APC: variants seen among roughly 807,000 people sequenced by gnomAD.
APC encodes APC regulator of Wnt signaling pathway.
A neutral mutation model predicts 247.0 loss-of-function variants in APC; 72 were observed. That is an observed-to-expected ratio of 0.29 (90% CI 0.24 to 0.35). APC has a LOEUF of 0.35. Ranked by LOEUF, APC falls within the 10% of genes least tolerant of loss-of-function variation. The pLI is 1.00. For missense variants in APC, 3,400 were observed against 3,360.7 expected, an observed-to-expected ratio of 1.01 and a Z score of -0.29; for synonymous variants, 1,254 against 1,162.5, an observed-to-expected ratio of 1.08 and a Z score of -1.60.
chr5:112,844,056 A>G lies in APC; in HGVS notation c.8462A>G (p.Asp2821Gly), dbSNP rs780049836. 3.1e-5 allele frequency: 50 copies of G among 1,604,312 alleles called. No individual in the cohort carries two copies. The African/African-American group carries it at 5.5e-4, about 18-fold the overall frequency. ...NNTKKRDSKT[D>G]STESSGTQSP... ...ACAAAGAAGCGAGATTCCAAAACTG[A>G]CAGCACAGAATCCAGTGGAACCCAA... The change falls in exon 16 of 16, where the codon GAC (aspartate) becomes GGC (glycine). Residue 2821 changes from aspartate to glycine, a missense_variant. Physicochemically the swap from Asp to Gly is moderately conservative, Grantham distance 94. Around this residue, in one of 9 missense-constraint regions of APC, gnomAD observed 1,788 missense variants for 1,649.5 expected, o/e 1.08. Transcript: ENST00000257430.
chr5:112,774,606 A>G (rs1757401403), intron 4 of APC, among the ~76,000 whole-genome samples: 1 of 151,322 alleles, frequency 6.6e-6, no homozygotes, highest in Non-Finnish European at 1.5e-5. Context: ...GACTACAGGT[A>G]TGCACCACCA....
chr5:112,835,572 ATTTT>A (rs11376379), intron 15 of APC, among the ~76,000 whole-genome samples: 3 of 132,966 alleles, frequency 2.3e-5, no homozygotes, highest in Admixed American at 7.7e-5. Flanking sequence ...CATAATAATA[ATTTT>A]TTTTTTTTTT....
chr5:112,838,649 G>A lies in APC; in HGVS notation c.3055G>A (p.Gly1019Arg), dbSNP rs1765326033. The change falls in exon 16 of 16, where the codon GGA becomes AGA. Residue 1019 changes from glycine to arginine, a missense_variant. By Grantham distance (125) the Gly-to-Arg change is moderately radical. Coordinates refer to ENST00000257430, the MANE Select transcript of APC (RefSeq NM_000038.6). The stretch of plus-strand genomic sequence containing the variant: ...TGCAAATCATATGGATGATAATGAT[G>A]GAGAACTAGATACACCAATAAATTA... ...HSANHMDDND[G>R]ELDTPINYSL... 1.2e-6 allele frequency: 2 copies of A among 1,614,134 alleles called. No individual in the cohort carries two copies. The highest frequency in any genetic ancestry group is 2.7e-5 in the African/African-American group (2 of 75,038).
chr5:112,767,201 A>C lies in APC; in HGVS notation c.233A>C (p.Asp78Ala), dbSNP rs562833260. The C allele has an allele frequency of 1.2e-6, 2 of 1,613,856 alleles. No individual in the cohort carries two copies. The highest frequency in any genetic ancestry group is 4.5e-5 in the East Asian group (2 of 44,866). ...CTATTTTATTTAGAGCTTAACTTAG[A>C]TAGCAGTAATTTCCCTGGAGTAAAA... The part of the protein sequence containing the change: ...LLERLKELNL[D>A]SSNFPGVKLR... The change falls in exon 4 of 16, where the codon GAT (aspartate) becomes GCT (alanine). Residue 78 changes from aspartate (D) to alanine (A), a missense_variant. By Grantham distance (126) the Asp-to-Ala change is moderately radical. This residue lies in a region of APC where 372 missense variants were observed against 367.6 expected (regional missense o/e 1.01). Coordinates refer to ENST00000257430, the MANE Select transcript of APC (RefSeq NM_000038.6).
upstream of APC, among the ~76,000 whole-genome samples, chr5:112,733,455 G>A (rs563985971): frequency 6.4e-4 from 97 of 152,278 alleles, no homozygotes; most frequent in South Asian, 0.019. Flanking sequence ...GATTTGAGAA[G>A]GGGCAAGGTC....
chr5:112,713,781 C>G (rs144129952), intron 1 of APC, among the ~76,000 whole-genome samples: 23 of 152,254 alleles, frequency 1.5e-4, no homozygotes, highest in African/African-American at 5.3e-4. Context: ...ATTCTCCTGC[C>G]TCAGCCTCCC....
At position 112,749,311 on chromosome 5, in the gene APC, A is replaced by T. The variant is rs529268533; in HGVS notation, c.-18-5562A>T. ...TGTCATGGTTAGATTGGCTTCATGG[A>T]ATGCATTGGAAAATATTTGCTATTT... is the stretch of plus-strand genomic sequence containing the variant. On this transcript the variant is annotated intron_variant, in intron 1 of 15. Coordinates refer to ENST00000257430, the MANE Select transcript of APC (RefSeq NM_000038.6). Among the ~76,000 whole-genome samples the T allele has an allele frequency of 1.2e-3, 184 of 152,134 alleles. 3 individuals carry two copies. The highest frequency in any genetic ancestry group is 4.2e-3 in the African/African-American group (176 of 41,490).
intron 1 of APC, among the ~76,000 whole-genome samples, chr5:112,754,614 G>T (rs1314593190): frequency 6.6e-6 from 1 of 152,170 alleles, no homozygotes; most frequent in Non-Finnish European, 1.5e-5. Flanking sequence ...TAATCCATCT[G>T]TGAGAAGGCA....
chr5:112,708,042 G>A (rs1390122232), intron 1 of APC, among the ~76,000 whole-genome samples: 1 of 152,148 alleles, frequency 6.6e-6, no homozygotes, highest in East Asian at 1.9e-4. Context: ...CAGGCCTCCA[G>A]TTGGCCCCTG....
chr5:112,778,532 A>G (rs1757945042), intron 5 of APC: 1 of 149,168 alleles, frequency 6.7e-6, no homozygotes, highest in Non-Finnish European at 1.5e-5. Flanking sequence ...TATTATCCAT[A>G]AATATTTCAC....
In APC at chr5:112,845,563, G is replaced by C. The variant is rs1045358560; in HGVS notation, c.*1437G>C. The C allele has an allele frequency of 2.6e-5, 6 of 232,676 alleles. No individual in the cohort carries two copies. Among genetic ancestry groups the C allele is most frequent in the African/African-American group, 1.3e-4 (6 of 45,268 alleles). The allele number at this position is 232,676 out of a possible 1,614,324, so 14.4% of individuals were successfully genotyped here. On this transcript the variant is annotated 3_prime_UTR_variant, in exon 16 of 16. Transcript: ENST00000257430. ...ATGCTCAGAAAATTCAAATCACATG[G>C]AACTTTAGAGGTAGATTTAATACGA...
chr5:112,783,764 TCA>T, intron 6 of APC: 2 of 201,552 alleles, frequency 9.9e-6, no homozygotes, highest in Non-Finnish European at 1.8e-5. Flanking sequence ...ACCACTGCAC[TCA>T]AAAAAAAAAA....
At chr5:112,716,278 G>A (rs988299298) in intron 1 of APC, among the ~76,000 whole-genome samples, 1 of 151,964 alleles carries the variant, frequency 6.6e-6, no homozygotes, top group African/African-American at 2.4e-5. Context: ...TTGGTACATA[G>A]TATTTTTATA....
chr5:112,828,091 A>G lies in APC; in HGVS notation c.1626+85A>G, dbSNP rs913039803. 2.7e-6 allele frequency: 3 copies of G among 1,129,168 alleles called. No homozygotes were observed. In the African/African-American group the frequency reaches 4.6e-5, roughly 17 times the overall value. The allele number at this position is 1,129,168 out of a possible 1,614,324, so 69.9% of individuals were successfully genotyped here. On this transcript the variant is annotated intron_variant, in intron 13 of 15. Transcript: ENST00000257430. ...ACTCTGTCACCCAGGCTTAGAGGGC[A>G]GTTGTGCAATCTCAGCTCACTGCAA...
chr5:112,754,114 C>T (rs1282974065), intron 1 of APC, among the ~76,000 whole-genome samples: 1 of 152,212 alleles, frequency 6.6e-6, no homozygotes, highest in Non-Finnish European at 1.5e-5. Context: ...AGTCTCTACT[C>T]CTAAGGTCAT....
Position 112,843,144 on chromosome 5 carries a change from A to G in APC, c.7550A>G (p.Tyr2517Cys), listed in dbSNP as rs587783036. 7.4e-6 allele frequency: 12 copies of G among 1,613,898 alleles called. No homozygotes were observed. The Admixed American group carries it at 1.3e-4, about 18-fold the overall frequency. Residue 2517 changes from tyrosine (Y) to cysteine (C), a missense_variant, in exon 16 of 16, where the codon TAT becomes TGT. Around this residue, in one of 9 missense-constraint regions of APC, gnomAD observed 1,788 missense variants for 1,649.5 expected, o/e 1.08. Coordinates refer to ENST00000257430, the MANE Select transcript of APC (RefSeq NM_000038.6). The surrounding 1 kb of genome is among the most constrained non-coding windows in gnomAD (Gnocchi z 4.8). Reference sequence around the variant, plus strand: ...CCTAATCTCAGTCCCACTATAGAGTATAATGATGGAAGACCAGCAAAGCGC... The same window carrying G: ...CCTAATCTCAGTCCCACTATAGAGTGTAATGATGGAAGACCAGCAAAGCGC... The part of the protein sequence containing the change: ...LPPNLSPTIE[Y>C]NDGRPAKRHD...
At chr5:112,754,182 A>T (rs1175612485) in intron 1 of APC, among the ~76,000 whole-genome samples, 1 of 152,212 alleles carries the variant, frequency 6.6e-6, no homozygotes, top group African/African-American at 2.4e-5. Context: ...CCAAGACCAC[A>T]TATGCCATAG....
Position 112,827,913 on chromosome 5 carries a change from T to C in APC, c.1549-16T>C, listed in dbSNP as rs773455401. The C allele has an allele frequency of 8.3e-5, 134 of 1,607,064 alleles. No individual in the cohort carries two copies. In the South Asian group the frequency reaches 1.4e-3, roughly 16 times the overall value. On this transcript the variant is annotated splice_polypyrimidine_tract_variant and intron_variant, in intron 12 of 15. Transcript: ENST00000257430. ...TTGTCTTTTTAATGATCCTCTATTCTGTATTTAATTTACAGGCTACGCTAT... is the reference window on the plus strand; with the variant it reads ...TTGTCTTTTTAATGATCCTCTATTCCGTATTTAATTTACAGGCTACGCTAT...
intron 1 of APC, among the ~76,000 whole-genome samples, chr5:112,732,730 C>T (rs532634001): frequency 4.6e-5 from 7 of 152,132 alleles, no homozygotes; most frequent in African/African-American, 1.7e-4. Context: ...GGTGTATACA[C>T]ACAGGTACAA....
Sources: gnomAD v4.1 joint callset for allele counts (sites outside exome capture counted in the v4.1 genomes callset) on GRCh38, gnomAD v4.1.1 for gene constraint, gnomAD v4.1.1 regional missense constraint, Gnocchi (gnomAD v3.1) non-coding constraint, MANE v1.5 for transcripts, NCBI Gene and HGNC (gene_info 2026-07-23, HGNC 2026-07-21) for gene names.